Variants in TBL1X observed in about 807,000 individuals in gnomAD.
The protein encoded by TBL1X is F-box-like/WD repeat-containing protein TBL1X.
Under a neutral mutation model 50.7 loss-of-function variants are expected in TBL1X, and 10 were observed. That is an observed-to-expected ratio of 0.20 (90% CI 0.12 to 0.33). The LOEUF is 0.33. Ranked by LOEUF, TBL1X falls within the 10% of genes least tolerant of loss-of-function variation. The probability of loss-of-function intolerance (pLI) is 1.00; values close to 1 mark genes in which losing one functional copy is unlikely to be tolerated. For synonymous variants in TBL1X, 190 were observed against 214.7 expected (o/e 0.88, Z 1.01); for missense variants, 340 against 504.4 (o/e 0.67, Z 3.12).
intron 7 of TBL1X, among the ~76,000 whole-genome samples, chrX:9,691,300 G>A (rs1422719500): frequency 9.1e-6 from 1 of 109,793 alleles, no homozygotes; most frequent in African/African-American, 3.3e-5. Flanking sequence ...GCCTGGTGTG[G>A]TGGCACATGC....
chrX:9,715,988 C>G (rs186342069), intron 17 of TBL1X, among the ~76,000 whole-genome samples: 2 of 112,245 alleles, frequency 1.8e-5, no homozygotes, highest in Non-Finnish European at 3.8e-5. Context: ...TTACCCTTAA[C>G]CTGGCCTTTC....
intron 7 of TBL1X, among the ~76,000 whole-genome samples, chrX:9,688,896 C>CGCATGCACTT (rs1218444840): frequency 8.8e-6 from 1 of 113,543 alleles, no homozygotes; most frequent in East Asian, 2.8e-4. Context: ...ACCGTGTGCG[C>CGCATGCACTT]GCATGCACTT....
intron 11 of TBL1X, among the ~76,000 whole-genome samples, chrX:9,696,293 C>G (rs142713091): frequency 1.8e-5 from 2 of 112,170 alleles, no homozygotes; most frequent in African/African-American, 6.5e-5. Context: ...TAGAACTGAC[C>G]CAAAACCCAG....
At chrX:9,500,574 C>T (rs757799571) in intron 1 of TBL1X, among the ~76,000 whole-genome samples, 7 of 112,043 alleles carry the variant, frequency 6.2e-5, no homozygotes, top group Non-Finnish European at 1.1e-4. Context: ...CTAGCCTGAG[C>T]AACAAGAGCA....
Position 9,592,431 on chromosome X carries a change from A to G in TBL1X, c.-130-47842A>G, listed in dbSNP as rs972491890. Reference sequence around the variant, plus strand: ...GGGTCAAAGAGATGACCACGTTACTAAAACTTTCATGTCTAGTTGCATATT... The same window carrying G: ...GGGTCAAAGAGATGACCACGTTACTGAAACTTTCATGTCTAGTTGCATATT... On this transcript the variant is annotated intron_variant, in intron 2 of 17. Transcript: ENST00000645353. 3.6e-5 allele frequency among the ~76,000 whole-genome samples: 4 copies of G among 112,038 alleles called. 1 individual carries two copies. The Admixed American group carries it at 3.8e-4, about 11-fold the overall frequency.
intron 2 of TBL1X, among the ~76,000 whole-genome samples, chrX:9,616,410 A>C (rs1404320798): frequency 8.9e-6 from 1 of 112,056 alleles, no homozygotes; most frequent in Non-Finnish European, 1.9e-5. Flanking sequence ...TCTAAAGAAA[A>C]AAAACACTCT....
At chrX:9,502,725 C>G (rs2082007489) in intron 2 of TBL1X, among the ~76,000 whole-genome samples, 1 of 112,617 alleles carries the variant, frequency 8.9e-6, no homozygotes, top group Non-Finnish European at 1.9e-5. Flanking sequence ...CAAGACCTTT[C>G]TAAAGCTTTT....
At chrX:9,640,065 C>T (rs1357613692) in intron 2 of TBL1X, 1 of 111,539 alleles carries the variant, frequency 9.0e-6, no homozygotes, top group East Asian at 2.8e-4. Flanking sequence ...AATGCCTGAC[C>T]GGCCACTTTT....
At chrX:9,536,029 C>G (rs2082185862) in intron 2 of TBL1X, among the ~76,000 whole-genome samples, 1 of 111,866 alleles carries the variant, frequency 8.9e-6, no homozygotes, top group African/African-American at 3.3e-5. Flanking sequence ...AATTTTAACA[C>G]TAGAAGCACA....
At chrX:9,617,755 G>A (rs2082646360) in intron 2 of TBL1X, among the ~76,000 whole-genome samples, 1 of 112,454 alleles carries the variant, frequency 8.9e-6, no homozygotes, top group African/African-American at 3.2e-5. Context: ...GCAACGCTGA[G>A]TTCCTGCCAG....
At chrX:9,611,123 TG>T (rs2082611534) in intron 2 of TBL1X, among the ~76,000 whole-genome samples, 1 of 65,364 alleles carries the variant, frequency 1.5e-5, no homozygotes, top group Non-Finnish European at 2.8e-5. Flanking sequence ...GTATGGAAAC[TG>T]TGAATGGAGA....
intron 2 of TBL1X, among the ~76,000 whole-genome samples, chrX:9,527,704 G>A (rs1159269436): frequency 9.0e-6 from 1 of 111,503 alleles, no homozygotes; most frequent in Non-Finnish European, 1.9e-5. Context: ...TTGACAACAT[G>A]TGAGTGACTG....
At position 9,546,905 on chromosome X, in the gene TBL1X, G is replaced by A. The variant is rs1243134796; in HGVS notation, c.-131+45056G>A. Among the ~76,000 whole-genome samples, 257 of 87,285 alleles carry A rather than the reference G, an allele frequency of 2.9e-3. 1 individual carries two copies. Among genetic ancestry groups the A allele is most frequent in the African/African-American group, 0.011 (244 of 23,185 alleles). The allele number at this position is 87,285 out of a possible 115,157, so 75.8% of individuals were successfully genotyped here. ...GCGATCTCGGCTCACTGCAAGCTCC[G>A]CCTCCTGGGTTCACACCATTCTCCT... On this transcript the variant is annotated intron_variant, in intron 2 of 17. Transcript: ENST00000645353.
chrX:9,680,308 AT>A (rs1182128068), intron 5 of TBL1X, among the ~76,000 whole-genome samples: 1 of 112,228 alleles, frequency 8.9e-6, no homozygotes, highest in East Asian at 2.8e-4. Flanking sequence ...CCTAGCAGCC[AT>A]TTCATCTGAC....
At chrX:9,633,967 G>A (rs1022195070) in intron 2 of TBL1X, among the ~76,000 whole-genome samples, 3 of 111,328 alleles carry the variant, frequency 2.7e-5, no homozygotes, top group South Asian at 3.8e-4. Context: ...GGATACGTAC[G>A]TGCAGCCCAG....
Position 9,483,213 on chromosome X carries a change from A to G in TBL1X, c.-201+17766A>G, listed in dbSNP as rs1157138315. On this transcript the variant is annotated intron_variant, in intron 1 of 17. Transcript: ENST00000645353. ...TTGCACCTCGTGGTAGCTGTAAATG[A>G]GGTATTTACATCCTCCATGAAGACG... 3.6e-5 allele frequency among the ~76,000 whole-genome samples: 4 copies of G among 111,870 alleles called. No homozygotes were observed. In the Admixed American group the frequency reaches 3.8e-4, roughly 11 times the overall value.
chrX:9,564,293 T>C (rs779298297), intron 2 of TBL1X, among the ~76,000 whole-genome samples: 3 of 110,808 alleles, frequency 2.7e-5, no homozygotes, highest in South Asian at 3.8e-4. Flanking sequence ...AGGAAACTTA[T>C]GGAGAATATG....
At chrX:9,678,973 C>T (rs1450647055) in intron 5 of TBL1X, among the ~76,000 whole-genome samples, 1 of 110,868 alleles carries the variant, frequency 9.0e-6, no homozygotes, top group African/African-American at 3.3e-5. Flanking sequence ...AAGATCCTAC[C>T]ATCCTTTATA....
At chrX:9,560,794 G>A (rs781221513) in intron 2 of TBL1X, among the ~76,000 whole-genome samples, 3 of 111,475 alleles carry the variant, frequency 2.7e-5, no homozygotes, top group East Asian at 2.8e-4. Flanking sequence ...GGCTTTTTAC[G>A]GATGGAAAAC....
Sources: gnomAD v4.1 joint callset for allele counts (sites outside exome capture counted in the v4.1 genomes callset) on GRCh38, gnomAD v4.1.1 for gene constraint, MANE v1.5 for transcripts, NCBI Gene and HGNC (gene_info 2026-07-23, HGNC 2026-07-21) for gene names.